Variants in CHODL observed in about 807,000 individuals in gnomAD.
The protein encoded by CHODL is chondrolectin, also known as transmembrane protein MT75.
A neutral mutation model predicts 34.5 loss-of-function variants in CHODL; 29 were observed. The ratio of observed to expected loss-of-function variants is 0.84; its 90% CI spans 0.63 to 1.15. CHODL has a LOEUF of 1.15. Among genes scored for constraint, CHODL ranks in the 50% most tolerant of loss-of-function variants. The probability of loss-of-function intolerance (pLI) is 0.00; values close to 1 mark genes in which losing one functional copy is unlikely to be tolerated. For missense variants in CHODL, 332 were observed against 332.5 expected (o/e 1.00, Z 0.01); for synonymous variants, 125 against 116.1 (o/e 1.08, Z -0.49).
chr21:18,206,043 G>A (rs1285010535), intron 2 of CHODL, among the ~76,000 whole-genome samples: 4 of 152,104 alleles, frequency 2.6e-5, no homozygotes, highest in African/African-American at 7.2e-5. Context: ...CACTAGTTTT[G>A]TGGCCTAACA....
At chr21:18,073,928 ATAAAT>A (rs1055561626) in intron 2 of CHODL, among the ~76,000 whole-genome samples, 8 of 152,274 alleles carry the variant, frequency 5.3e-5, no homozygotes, top group Admixed American at 1.3e-4. Context: ...ACAGTTAAAA[ATAAAT>A]TTCATAACAT....
At chr21:18,082,693 G>T (rs2064956780) in intron 2 of CHODL, among the ~76,000 whole-genome samples, 1 of 152,144 alleles carries the variant, frequency 6.6e-6, no homozygotes, top group African/African-American at 2.4e-5. Flanking sequence ...GTGGCATTTT[G>T]CTCCTGCTGT....
chr21:18,264,394 G>T (rs2074421888), intron 5 of CHODL, among the ~76,000 whole-genome samples: 1 of 151,940 alleles, frequency 6.6e-6, no homozygotes, highest in Admixed American at 6.6e-5. Flanking sequence ...CTGAGGTCGG[G>T]AGTTTGATAC....
intron 2 of CHODL, among the ~76,000 whole-genome samples, chr21:18,168,607 A>G (rs1458806785): frequency 1.3e-5 from 2 of 152,170 alleles, no homozygotes; most frequent in Admixed American, 6.5e-5. Context: ...TAGTTTGCAT[A>G]TTTTAAAATG....
At chr21:18,113,883 A>T (rs2065380927) in intron 2 of CHODL, among the ~76,000 whole-genome samples, 1 of 152,226 alleles carries the variant, frequency 6.6e-6, no homozygotes. Context: ...AAGACTTGGA[A>T]GCAACCTAAG....
intron 2 of CHODL, among the ~76,000 whole-genome samples, chr21:18,064,147 T>G (rs944179229): frequency 5.3e-5 from 8 of 152,176 alleles, no homozygotes; most frequent in Non-Finnish European, 1.2e-4. Context: ...TATTTTAAAT[T>G]GTGTCATATC....
intron 2 of CHODL, among the ~76,000 whole-genome samples, chr21:18,069,635 A>G (rs2064772197): frequency 6.6e-6 from 1 of 152,004 alleles, no homozygotes; most frequent in Non-Finnish European, 1.5e-5. Context: ...GCTATTCTAT[A>G]TCTTTTAGTG....
chr21:18,096,751 C>G (rs1233513970), intron 2 of CHODL, among the ~76,000 whole-genome samples: 1 of 152,172 alleles, frequency 6.6e-6, no homozygotes, highest in Non-Finnish European at 1.5e-5. Flanking sequence ...TGTGATCTTG[C>G]TCTGCCATTT....
At chr21:18,133,407 T>G (rs945363425) in intron 2 of CHODL, among the ~76,000 whole-genome samples, 5 of 152,108 alleles carry the variant, frequency 3.3e-5, no homozygotes, top group Admixed American at 6.6e-5. Context: ...ATAAATAAAG[T>G]CCTTATGGAT....
At chr21:17,941,286 CTTTTTTTTTT>C (rs34255623) in intron 1 of CHODL, among the ~76,000 whole-genome samples, 2 of 87,958 alleles carry the variant, frequency 2.3e-5, no homozygotes, top group African/African-American at 9.3e-5. Context: ...TAACTTGCCT[CTTTTTTTTTT>C]TTTTTTTTTT....
intron 1 of CHODL, among the ~76,000 whole-genome samples, chr21:17,959,220 G>C (rs2063514541): frequency 6.6e-6 from 1 of 151,998 alleles, no homozygotes; most frequent in South Asian, 2.1e-4. Flanking sequence ...GAATCTTTCT[G>C]ACTGTGTTCT....
chr21:18,191,912 T>C (rs920947800), intron 2 of CHODL, among the ~76,000 whole-genome samples: 1 of 152,170 alleles, frequency 6.6e-6, no homozygotes, highest in Non-Finnish European at 1.5e-5. Flanking sequence ...GTTAACAGTA[T>C]TGTATTGTAT....
rs147756989 is a variant in CHODL at position 17,960,846 on chromosome 21, A to G, written c.-145+43446A>G. 6.4e-3 allele frequency among the ~76,000 whole-genome samples: 970 copies of G among 152,184 alleles called. 10 individuals are homozygous for G. Among genetic ancestry groups the G allele is most frequent in the African/African-American group, 0.022 (923 of 41,524 alleles). On this transcript the variant is annotated intron_variant, in intron 1 of 6. Transcript: ENST00000400127. Reference sequence around the variant, plus strand: ...CCCAAACCTGAAAGCTTTTCTCTACATGCCTCCCACATTCAATTAGTCTTC... The same window carrying G: ...CCCAAACCTGAAAGCTTTTCTCTACGTGCCTCCCACATTCAATTAGTCTTC...
At chr21:18,145,791 G>T (rs1416124290) in intron 2 of CHODL, among the ~76,000 whole-genome samples, 1 of 152,190 alleles carries the variant, frequency 6.6e-6, no homozygotes, top group African/African-American at 2.4e-5. Context: ...TTCACTTTGT[G>T]ATGATTTCAC....
intron 2 of CHODL, among the ~76,000 whole-genome samples, chr21:18,030,758 C>G (rs1014297482): frequency 1.3e-5 from 2 of 152,066 alleles, no homozygotes; most frequent in South Asian, 4.1e-4. Flanking sequence ...TAAGAAAACA[C>G]TTATTTAAAA....
chr21:17,999,328 T>G (rs2063882744), intron 1 of CHODL, among the ~76,000 whole-genome samples: 2 of 152,216 alleles, frequency 1.3e-5, no homozygotes, highest in African/African-American at 4.8e-5. Flanking sequence ...GGTTCCTAAC[T>G]TTTCCACATT....
At chr21:18,071,899 C>G (rs191310843) in intron 2 of CHODL, among the ~76,000 whole-genome samples, 4 of 152,234 alleles carry the variant, frequency 2.6e-5, no homozygotes, top group Admixed American at 6.5e-5. Flanking sequence ...AATCTTTCCA[C>G]TCTGCTGGTC....
rs542160819 is a variant in CHODL at position 18,041,830 on chromosome 21, T to A, written c.-45+13859T>A. 1.8e-3 allele frequency among the ~76,000 whole-genome samples: 279 copies of A among 151,998 alleles called. 2 individuals are homozygous for A. Among genetic ancestry groups the A allele is most frequent in the Admixed American group, 3.8e-3 (58 of 15,230 alleles). ...TTAGGAAGGGCTTGATCAATTCTAC[T>A]CTAGTGGCAAATTTTATGGCTTTTA... On this transcript the variant is annotated intron_variant, in intron 2 of 6. Coordinates refer to the CHODL transcript ENST00000400127.
intron 2 of CHODL, among the ~76,000 whole-genome samples, chr21:18,078,550 A>G (rs1288069108): frequency 6.6e-6 from 1 of 152,194 alleles, no homozygotes; most frequent in African/African-American, 2.4e-5. Flanking sequence ...ATTATTGCAG[A>G]TACATCGACT....
Sources: gnomAD v4.1 joint callset for allele counts (sites outside exome capture counted in the v4.1 genomes callset) on GRCh38, gnomAD v4.1.1 for gene constraint, MANE v1.5 for transcripts, NCBI Gene and HGNC (gene_info 2026-07-23, HGNC 2026-07-21) for gene names.